Variants in FLT4 observed in about 807,000 individuals in gnomAD.
FLT4 encodes the protein fms related receptor tyrosine kinase 4, also known as vascular endothelial growth factor receptor 3.
In FLT4, 30 loss-of-function variants were observed where a neutral mutation model predicts 163.2. The ratio of observed to expected loss-of-function variants is 0.18; its 90% CI spans 0.14 to 0.25. The LOEUF is 0.25. Ranked by LOEUF, FLT4 falls within the 10% of genes least tolerant of loss-of-function variation. The probability of loss-of-function intolerance (pLI) is 1.00; values close to 1 mark genes in which losing one functional copy is unlikely to be tolerated. For missense variants in FLT4, 1,510 were observed against 1,863.8 expected (o/e 0.81, Z 3.50); for synonymous variants, 884 against 789.5 (o/e 1.12, Z -2.01).
chr5:180,611,422 A>T lies in FLT4; in HGVS notation c.3595T>A (p.Phe1199Ile). 1 of 1,614,042 alleles carries T rather than the reference A, an allele frequency of 6.2e-7. No individual in the cohort carries two copies. ...AGGGCCATGGTGGACACCTGCGAGA[A>T]GCTGCCCTCTTCTGAGCTCTGAGAG... ...RSSQSSEEGS[F>I]SQVSTMALHI... The change falls in exon 27 of 30, where the codon TTC becomes ATC. Residue 1199 changes from phenylalanine (F) to isoleucine (I), a missense_variant. By Grantham distance (21) the Phe-to-Ile change is conservative. Around this residue, in one of 5 missense-constraint regions of FLT4, gnomAD observed 295 missense variants for 311.0 expected, o/e 0.95. Coordinates refer to ENST00000261937, the MANE Select transcript of FLT4 (RefSeq NM_182925.5).
In FLT4 at chr5:180,611,336, G is replaced by A. The variant is rs140710164; in HGVS notation, c.3681C>T (p.Ala1227=). The A allele has an allele frequency of 2.2e-3, 3,515 of 1,613,910 alleles. 15 individuals carry two copies. The highest frequency in any genetic ancestry group is 0.015 in the Middle Eastern group (90 of 6,062). ...SPPSLQRHSL[A]ARYYNWVSFP... ...GGACCTGCAGGACAGCTGACCTGGC[G>A]GCCAGGCTGTGGCGCTGCAGGCTTG... Residue 1227 remains alanine, a synonymous_variant, in exon 27 of 30, where the codon GCC becomes GCT. Transcript: ENST00000261937.
chr5:180,603,865 C>T (rs1761646872), intron 29 of FLT4, among the ~76,000 whole-genome samples: 1 of 151,246 alleles, frequency 6.6e-6, no homozygotes, highest in Non-Finnish European at 1.5e-5. Flanking sequence ...GATCGCACCA[C>T]TGCACTCCAG....
intron 29 of FLT4, among the ~76,000 whole-genome samples, chr5:180,607,351 CAG>C (rs1761856761): frequency 6.6e-6 from 1 of 151,954 alleles, no homozygotes; most frequent in Non-Finnish European, 1.5e-5. Context: ...ATAAAGAAAA[CAG>C]TGGCCGGGCG....
intron 25 of FLT4, 53 bp downstream of exon 25, chr5:180,612,958 A>G: frequency 7.2e-7 from 1 of 1,396,222 alleles, no homozygotes; most frequent in Non-Finnish European, 1.0e-6. Flanking sequence ...CACAACCCCC[A>G]CGCCCCCGAC....
chr5:180,629,224 A>T (rs1431978687), intron 7 of FLT4, 35 bp downstream of exon 7: 1 of 1,611,216 alleles, frequency 6.2e-7, no homozygotes, highest in Admixed American at 1.7e-5. Context: ...GCCCAGGCCC[A>T]CAGGGCACAA....
chr5:180,618,775 T>C lies in FLT4; in HGVS notation c.2996A>G (p.Gln999Arg). Residue 999 changes from glutamine (Q) to arginine (R), a missense_variant, in exon 21 of 30, where the codon CAA (glutamine) becomes CGA (arginine). By Grantham distance (43) the Gln-to-Arg change is conservative (BLOSUM62 1). Transcript: ENST00000261937. ...GGAAGAGGCCAGGCTCTCACCTTCT[T>C]GGTCTGGAGAAGCCCGCCTCGCTCC... ...EGGARRASPD[Q>R]EAEDLWLSPL... is the part of the protein sequence containing the mutation. 6.3e-7 allele frequency: 1 copy of C among 1,589,474 alleles called. No individual in the cohort carries two copies. Among genetic ancestry groups the C allele is most frequent in the Non-Finnish European group, 8.6e-7 (1 of 1,168,588 alleles).
intron 13 of FLT4, 67 bp from the exon 14 acceptor site, chr5:180,621,319 G>A: frequency 6.5e-7 from 1 of 1,549,030 alleles, no homozygotes; most frequent in Non-Finnish European, 8.8e-7. Context: ...CTTTGGGCTG[G>A]GAGCAGAGGT....
At chr5:180,633,537 C>T (rs568168389) in intron 1 of FLT4, among the ~76,000 whole-genome samples, 2 of 152,322 alleles carry the variant, frequency 1.3e-5, no homozygotes, top group East Asian at 3.9e-4. Flanking sequence ...GTAGCTTGCA[C>T]CCCTGGGGCT....
intron 17 of FLT4, 53 bp from the exon 18 acceptor site, chr5:180,619,822 A>G (rs1301449189): frequency 2.1e-6 from 3 of 1,400,422 alleles, no homozygotes; most frequent in African/African-American, 1.4e-5. Flanking sequence ...GAGCGTGGAG[A>G]CAGGTGGGCG....
At position 180,620,163 on chromosome 5, in the gene FLT4, CT is replaced by C. The variant is rs1330092897; in HGVS notation, c.2542+9del. On this transcript the variant is annotated intron_variant, in intron 17 of 29. Transcript: ENST00000261937. The surrounding 1 kb of genome is among the most constrained non-coding windows in gnomAD (Gnocchi z 4.4). ...GAGGTGTGGGTTGGGCAGGCTGGTG[CT>C]GGCCTCACCCAGGTGCAGCCGCTCT... The C allele has an allele frequency of 6.2e-7, 1 of 1,604,082 alleles. No individual in the cohort carries two copies. Among genetic ancestry groups the C allele is most frequent in the East Asian group, 2.2e-5 (1 of 44,820 alleles).
Position 180,621,653 on chromosome 5 carries a change from T to C in FLT4, c.1909A>G (p.Ser637Gly). 1.2e-6 allele frequency: 2 copies of C among 1,608,684 alleles called. No individual in the cohort carries two copies. The highest frequency in any genetic ancestry group is 1.7e-6 in the Non-Finnish European group (2 of 1,176,690). Residue 637 changes from serine to glycine, a missense_variant, in exon 13 of 30, where the codon AGC becomes GGC. Ser to Gly is a moderately conservative substitution (Grantham distance 56, BLOSUM62 0). Around this residue, in one of 5 missense-constraint regions of FLT4, gnomAD observed 878 missense variants for 1,016.7 expected, o/e 0.86. Coordinates refer to ENST00000261937, the MANE Select transcript of FLT4 (RefSeq NM_182925.5). ...VAPGARHATLSLSIPRVAPEH... is the reference protein window; with the variant it reads ...VAPGARHATLGLSIPRVAPEH... ...GGCGCGACGCGGGGGATACTCAGGC[T>C]GAGCGTGGCGTGGCGCGCCCCAGGT... is the stretch of plus-strand genomic sequence containing the variant.
intron 7 of FLT4, 116 bp downstream of exon 7, chr5:180,629,143 G>T: frequency 6.8e-7 from 1 of 1,469,432 alleles, no homozygotes; most frequent in Non-Finnish European, 9.5e-7. Flanking sequence ...GAGCTGGGCA[G>T]CTCCTCTGCT....
intron 5 of FLT4, 39 bp from the exon 6 acceptor site, chr5:180,629,874 G>A: frequency 6.2e-7 from 1 of 1,612,652 alleles, no homozygotes. Context: ...GCCCTCACAG[G>A]ACGACACCCA....
Position 180,630,590 on chromosome 5 carries a change from C to T in FLT4, c.365G>A (p.Gly122Asp), listed in dbSNP as rs1225245861. 6.2e-7 allele frequency: 1 copy of T among 1,612,994 alleles called. No individual in the cohort carries two copies. The highest frequency in any genetic ancestry group is 8.5e-7 in the Non-Finnish European group (1 of 1,179,972). Residue 122 changes from glycine to aspartate, a missense_variant, in exon 3 of 30, where the codon GGC (glycine) becomes GAC (aspartate). Gly to Asp is a moderately conservative substitution (Grantham distance 94). Around this residue, in one of 5 missense-constraint regions of FLT4, gnomAD observed 157 missense variants for 178.7 expected, o/e 0.88. Coordinates refer to ENST00000261937, the MANE Select transcript of FLT4 (RefSeq NM_182925.5). The surrounding 1 kb of genome is among the most constrained non-coding windows in gnomAD (Gnocchi z 6.3). ...CACGTAGGAGCTGGCGGCCGTGGTG[C>T]CCTCGATGCGTGCCTTGATGTACTT... ...YYKYIKARIE[G>D]TTAASSYVFV...
intron 1 of FLT4, among the ~76,000 whole-genome samples, chr5:180,640,863 AG>A (rs1018758145): frequency 1.3e-5 from 2 of 152,196 alleles, no homozygotes; most frequent in African/African-American, 4.8e-5. Context: ...CTGGTGGGAC[AG>A]GGTCCCGGCC....
chr5:180,646,672 G>GCA (rs1277822100), intron 1 of FLT4, among the ~76,000 whole-genome samples: 1 of 152,192 alleles, frequency 6.6e-6, no homozygotes, highest in African/African-American at 2.4e-5. Context: ...TCCCTGCAAG[G>GCA]CACAGGAAAC....
In FLT4 at chr5:180,610,003, G is replaced by C; in HGVS notation, c.3709C>G (p.Pro1237Ala). 1 of 1,614,226 alleles carries C rather than the reference G, an allele frequency of 6.2e-7. No homozygotes were observed. The change falls in exon 28 of 30, where the codon CCC becomes GCC. Residue 1237 changes from proline to alanine, a missense_variant. Transcript: ENST00000261937. The stretch of plus-strand genomic sequence containing the variant: ...TCAGCCCCTCTGGCCAGGCACCCGG[G>C]AAAGGACACCCAGTTGTAATACCTG... ...AARYYNWVSFPGCLARGAETR... is the reference protein window; with the variant it reads ...AARYYNWVSFAGCLARGAETR...
chr5:180,627,064 C>T (rs562943855), intron 8 of FLT4, among the ~76,000 whole-genome samples: 6 of 152,302 alleles, frequency 3.9e-5, no homozygotes, highest in East Asian at 1.9e-4. Context: ...CTGCTGCACA[C>T]GTGAGGAAGC....
chr5:180,624,208 A>T, intron 10 of FLT4, 147 bp from the exon 11 acceptor site: 7 of 692,444 alleles, frequency 1.0e-5, no homozygotes, highest in Non-Finnish European at 1.5e-5. Flanking sequence ...GGTGAGGGAG[A>T]TGGGAAGGGG....
Sources: allele counts gnomAD v4.1 joint callset (sites outside exome capture counted in the v4.1 genomes callset), GRCh38; gene constraint gnomAD v4.1.1; regional missense constraint gnomAD v4.1.1; non-coding constraint Gnocchi (gnomAD v3.1); transcripts MANE v1.5; gene names NCBI Gene and HGNC (gene_info 2026-07-23, HGNC 2026-07-21).